The following TMSB15A variants were observed in gnomAD, a reference collection of about 807,000 sequenced individuals.
The protein encoded by TMSB15A is thymosin beta 15A.
A neutral mutation model predicts 3.2 loss-of-function variants in TMSB15A; 1 was observed. The ratio of observed to expected loss-of-function variants is 0.32; its 90% confidence interval spans 0.11 to 1.50. The LOEUF (loss-of-function observed/expected upper bound fraction) is 1.50, where lower values mean the gene tolerates loss of function less well. Among genes scored for constraint, TMSB15A ranks in the 40% most tolerant of loss-of-function variants. TMSB15A has a pLI of 0.39. For synonymous variants in TMSB15A, 10 were observed against 11.2 expected, an observed-to-expected ratio of 0.90 and a Z score of 0.21; for missense variants, 22 against 27.8, an observed-to-expected ratio of 0.79 and a Z score of 0.47.
chrX:102,514,573 G>A (rs1359084973), intron 2 of TMSB15A, among the ~76,000 whole-genome samples: 1 of 111,516 alleles, frequency 9.0e-6, no homozygotes, highest in Non-Finnish European at 1.9e-5. Flanking sequence ...TTTCTGGAGG[G>A]CAAAACTGAT....
chrX:102,516,054 T>G (rs1556403659), intron 1 of TMSB15A, among the ~76,000 whole-genome samples: 1 of 110,283 alleles, frequency 9.1e-6, no homozygotes, highest in Non-Finnish European at 1.9e-5. Context: ...CTATGTCTAG[T>G]GCTTGGGGTA....
intron 1 of TMSB15A, among the ~76,000 whole-genome samples, chrX:102,515,645 C>CAAAA (rs1934887357): frequency 9.7e-6 from 1 of 102,889 alleles, no homozygotes; most frequent in African/African-American, 3.7e-5. Flanking sequence ...CGGGGAGCAG[C>CAAAA]ACAAAAAAAA....
chrX:102,515,960 C>T (rs1556403641), intron 1 of TMSB15A, among the ~76,000 whole-genome samples: 1 of 111,216 alleles, frequency 9.0e-6, no homozygotes, highest in African/African-American at 3.3e-5. Context: ...CCGAGTTTGT[C>T]CAGAAGAGAC....
chrX:102,515,502 G>A (rs1035870031), intron 1 of TMSB15A, among the ~76,000 whole-genome samples: 6 of 111,504 alleles, frequency 5.4e-5, no homozygotes, highest in Non-Finnish European at 1.1e-4. Context: ...AAGCACAAGA[G>A]CAGACAGGGA....
intron 2 of TMSB15A, 137 bp from the exon 3 acceptor site, chrX:102,514,261 A>C: frequency 1.6e-6 from 1 of 643,736 alleles, no homozygotes; most frequent in Non-Finnish European, 2.5e-6. Context: ...TTAACCACAA[A>C]TCCTCACATT....
At chrX:102,515,407 G>A (rs1556403542) in intron 1 of TMSB15A, among the ~76,000 whole-genome samples, 1 of 111,427 alleles carries the variant, frequency 9.0e-6, no homozygotes, top group Non-Finnish European at 1.9e-5. Flanking sequence ...GGATCAGAAC[G>A]CACCAGAAAC....
chrX:102,515,293 T>C, intron 1 of TMSB15A, 113 bp from the exon 2 acceptor site: 1 of 600,665 alleles, frequency 1.7e-6, no homozygotes, highest in African/African-American at 2.3e-5. Context: ...TACCCGCTCA[T>C]TTTCAACAGA....
At position 102,513,991 on chromosome X, in the gene TMSB15A, T is replaced by A; in HGVS notation, c.*96A>T. 5.7e-6 allele frequency: 6 copies of A among 1,044,067 alleles called. No homozygotes were observed. The South Asian group carries it at 1.2e-4, about 20-fold the overall frequency. 86.0% of individuals were successfully genotyped at this position (1,044,067 alleles called of 1,213,427 possible). ...AGGTGAGAAGATATCCGAAGACGCC[T>A]AAAATCTCTACAAACACATGGGTTT... On this transcript the variant is annotated 3_prime_UTR_variant, in exon 3 of 3. Coordinates refer to ENST00000289373, the MANE Select transcript of TMSB15A (RefSeq NM_021992.3).
chrX:102,516,076 C>A, intron 1 of TMSB15A, among the ~76,000 whole-genome samples: 1 of 110,330 alleles, frequency 9.1e-6, no homozygotes, highest in Non-Finnish European at 1.9e-5. Context: ...AATGGAGAGG[C>A]CCCCAAGCAG....
rs1569474645 is a variant in TMSB15A at position 102,514,091 on chromosome X, G to T, written c.134C>A (p.Ser45Ter). 1 of 1,211,094 alleles carries T rather than the reference G, an allele frequency of 8.3e-7. No individual in the cohort carries two copies. The highest frequency in any genetic ancestry group is 1.1e-6 in the Non-Finnish European group (1 of 895,091). ...TGTTGGGAGGCGATCCCCATTTTATGATGTTTGAACACACTCTTTCTCTTG... is the reference window on the plus strand; with the variant it reads ...TGTTGGGAGGCGATCCCCATTTTATTATGTTTGAACACACTCTTTCTCTTG... ...IQQEKECVQTS is the reference protein window; with the variant it reads ...IQQEKECVQT Residue 45 changes from serine (S) to a stop codon, truncating the protein, a stop_gained, in exon 3 of 3, where the codon TCA becomes TAA. Transcript: ENST00000289373. LOFTEE classifies it high-confidence loss of function.
intron 1 of TMSB15A, 86 bp downstream of exon 1, chrX:102,516,580 C>G (rs980628522): frequency 1.8e-5 from 2 of 113,166 alleles, no homozygotes; most frequent in African/African-American, 6.4e-5. Context: ...CTCTGGCTCC[C>G]GAAGGCGCGG....
rs111881108 is a variant in TMSB15A at position 102,514,894 on chromosome X, T to C, written c.100+170A>G. Among the ~76,000 whole-genome samples the C allele has an allele frequency of 6.3e-3, 706 of 111,940 alleles. 7 individuals are homozygous for C. The highest frequency in any genetic ancestry group is 0.022 in the African/African-American group (674 of 30,828). On this transcript the variant is annotated intron_variant, in intron 2 of 2. Transcript: ENST00000289373. ...AAGACTTATGTGAGAACTACTTATA[T>C]AACCCAAGTAGGAAGATGACTATTT...
Position 102,514,112 on chromosome X carries a change from T to G in TMSB15A, c.113A>C (p.Glu38Ala), listed in dbSNP as rs782292893. Residue 38 changes from glutamate to alanine, a missense_variant, in exon 3 of 3, where the codon GAG (glutamate) becomes GCG (alanine). By Grantham distance (107) the Glu-to-Ala change is moderately radical (BLOSUM62 -1). Transcript: ENST00000289373. The part of the protein sequence containing the change: ...TLPSKETIQQ[E>A]KECVQTS The stretch of plus-strand genomic sequence containing the variant: ...TTATGATGTTTGAACACACTCTTTC[T>G]CTTGCTGGATAGCTGGGAAGACAAA... 1.4e-5 allele frequency: 17 copies of G among 1,211,742 alleles called. No individual in the cohort carries two copies. Among genetic ancestry groups the G allele is most frequent in the Non-Finnish European group, 1.9e-5 (17 of 895,354 alleles).
chrX:102,516,489 C>T (rs111406855), intron 1 of TMSB15A, among the ~76,000 whole-genome samples, 177 bp downstream of exon 1: 1 of 112,936 alleles, frequency 8.9e-6, no homozygotes, highest in African/African-American at 3.2e-5. Flanking sequence ...GCGCAGAAGG[C>T]GGCCCCCTGG....
chrX:102,513,887 G>A lies in TMSB15A; in HGVS notation c.*200C>T, dbSNP rs1934867281. On this transcript the variant is annotated 3_prime_UTR_variant, in exon 3 of 3. Transcript: ENST00000289373. ...GATTATTGACAGCATCTGCCATCTG[G>A]AACATATGCACCAATGGTAAGTTTA... 6.4e-6 allele frequency: 3 copies of A among 467,480 alleles called. No homozygotes were observed. The African/African-American group carries it at 7.3e-5, about 11-fold the overall frequency. The allele number at this position is 467,480 out of a possible 1,213,427, so 38.5% of individuals were successfully genotyped here.
chrX:102,515,405 A>G (rs1934883398), intron 1 of TMSB15A, among the ~76,000 whole-genome samples: 1 of 111,832 alleles, frequency 8.9e-6, no homozygotes, highest in African/African-American at 3.3e-5. Context: ...TTGGATCAGA[A>G]CGCACCAGAA....
intron 2 of TMSB15A, 113 bp from the exon 3 acceptor site, chrX:102,514,237 A>G: frequency 1.1e-6 from 1 of 869,986 alleles, no homozygotes; most frequent in Non-Finnish European, 1.7e-6. Context: ...CCTTAAATTT[A>G]GAATGCCAAG....
In TMSB15A at chrX:102,515,269, A is replaced by G. The variant is rs782450436; in HGVS notation, c.-17-89T>C. 21 of 741,032 alleles carry G rather than the reference A, an allele frequency of 2.8e-5. 1 individual carries two copies. Among genetic ancestry groups the G allele is most frequent in the Middle Eastern group, 9.7e-4 (2 of 2,057 alleles). 61.1% of individuals were successfully genotyped at this position (741,032 alleles called of 1,213,427 possible). ...ACAAGCAAAAATTTTCATATTTCAT[A>G]TCAATGTATATTCTACCCGCTCATT... On this transcript the variant is annotated intron_variant, in intron 1 of 2. Coordinates refer to ENST00000289373, the MANE Select transcript of TMSB15A (RefSeq NM_021992.3).
At chrX:102,514,750 G>A (rs1473494694) in intron 2 of TMSB15A, among the ~76,000 whole-genome samples, 1 of 112,054 alleles carries the variant, frequency 8.9e-6, no homozygotes. Context: ...TGTCTAATAA[G>A]CATAAAGTGA....
Sources: allele counts gnomAD v4.1 joint callset (sites outside exome capture counted in the v4.1 genomes callset), GRCh38; gene constraint gnomAD v4.1.1; transcripts MANE v1.5; gene names NCBI Gene and HGNC (gene_info 2026-07-23, HGNC 2026-07-21).